CCDC91: variants seen among roughly 807,000 people sequenced by gnomAD.
CCDC91 encodes the protein coiled-coil domain containing 91, also known as coiled-coil domain-containing protein 91.
CCDC91 carries 48 observed loss-of-function variants against 63.2 expected under a neutral mutation model. That is an observed-to-expected ratio of 0.76 (90% CI 0.60 to 0.97). The LOEUF (loss-of-function observed/expected upper bound fraction) is 0.97, where lower values mean the gene tolerates loss of function less well. CCDC91 is among the 50% of genes least tolerant of loss of function. The probability of loss-of-function intolerance (pLI) is 0.00; values close to 1 mark genes in which losing one functional copy is unlikely to be tolerated. For synonymous variants in CCDC91, 167 were observed against 165.8 expected, an observed-to-expected ratio of 1.01 and a Z score of -0.06; for missense variants, 500 against 494.6, an observed-to-expected ratio of 1.01 and a Z score of -0.10.
Position 28,453,862 on chromosome 12 carries a change from A to T in CCDC91, c.1101+1208A>T, listed in dbSNP as rs983784826. On this transcript the variant is annotated intron_variant, in intron 11 of 12. Transcript: ENST00000536442. ...ACCCCGAACATTCCTGTAACCTCAC[A>T]TAGATGTGGGCCATTCATCACTTGA... Among the ~76,000 whole-genome samples the T allele has an allele frequency of 3.3e-5, 5 of 152,236 alleles. No homozygotes were observed. The East Asian group carries it at 9.6e-4, about 29-fold the overall frequency.
At chr12:28,528,280 A>T (rs1349917242) in intron 12 of CCDC91, among the ~76,000 whole-genome samples, 3 of 152,120 alleles carry the variant, frequency 2.0e-5, no homozygotes, top group Non-Finnish European at 2.9e-5. Context: ...GGGGGACCCT[A>T]GAGCAAGCCC....
At chr12:28,410,195 T>A (rs1439872101) in intron 8 of CCDC91, among the ~76,000 whole-genome samples, 1 of 152,228 alleles carries the variant, frequency 6.6e-6, no homozygotes, top group Non-Finnish European at 1.5e-5. Context: ...TGAGTAGTTT[T>A]GACACACTTA....
At chr12:28,471,485 A>G in intron 11 of CCDC91, among the ~76,000 whole-genome samples, 1 of 152,144 alleles carries the variant, frequency 6.6e-6, no homozygotes, top group East Asian at 1.9e-4. Flanking sequence ...GGGAGATTCA[A>G]TTCAAGGAAT....
At chr12:28,353,478 A>C (rs1162624988) in intron 6 of CCDC91, among the ~76,000 whole-genome samples, 2 of 152,130 alleles carry the variant, frequency 1.3e-5, no homozygotes, top group African/African-American at 4.8e-5. Context: ...CACTAAGGTT[A>C]ATTATTTCTA....
At chr12:28,266,755 T>C (rs551851358) in intron 3 of CCDC91, among the ~76,000 whole-genome samples, 2 of 152,030 alleles carry the variant, frequency 1.3e-5, no homozygotes, top group East Asian at 3.9e-4. Flanking sequence ...AGTAAAATAG[T>C]TTGAAAATAG....
intron 1 of CCDC91, among the ~76,000 whole-genome samples, chr12:28,250,580 A>C (rs527356507): frequency 6.6e-6 from 1 of 152,086 alleles, no homozygotes; most frequent in Non-Finnish European, 1.5e-5. Context: ...AGCTGTTTCA[A>C]TGCTAGCAAC....
At chr12:28,421,557 T>TTA (rs1555209090) in intron 8 of CCDC91, among the ~76,000 whole-genome samples, 1 of 151,608 alleles carries the variant, frequency 6.6e-6, no homozygotes, top group East Asian at 1.9e-4. Flanking sequence ...TTTTTTTTTT[T>TTA]ATGTCTTTCT....
At chr12:28,503,128 C>A (rs1638602127) in intron 12 of CCDC91, among the ~76,000 whole-genome samples, 3 of 152,044 alleles carry the variant, frequency 2.0e-5, no homozygotes, top group Admixed American at 2.0e-4. Context: ...AAAGAAACTA[C>A]CATCAGAATG....
chr12:28,533,390 A>G (rs1426382909), intron 12 of CCDC91, among the ~76,000 whole-genome samples: 1 of 152,082 alleles, frequency 6.6e-6, no homozygotes, highest in Non-Finnish European at 1.5e-5. Context: ...AAATTTGTTC[A>G]TTTTATTTTC....
At chr12:28,346,921 C>A (rs1271466691) in intron 6 of CCDC91, among the ~76,000 whole-genome samples, 1 of 152,146 alleles carries the variant, frequency 6.6e-6, no homozygotes, top group Non-Finnish European at 1.5e-5. Context: ...TTTCTGGTGA[C>A]CAGCCCTACC....
chr12:28,202,282 CT>C (rs1942514271), intron 1 of CCDC91, among the ~76,000 whole-genome samples: 1 of 152,158 alleles, frequency 6.6e-6, no homozygotes, highest in South Asian at 2.1e-4. Context: ...GGACAATTAA[CT>C]GCCTTTTTTC....
chr12:28,523,590 G>A (rs886930666), intron 12 of CCDC91, among the ~76,000 whole-genome samples: 2 of 152,058 alleles, frequency 1.3e-5, no homozygotes, highest in Non-Finnish European at 2.9e-5. Flanking sequence ...GGTTAATATT[G>A]TTATGTGTGA....
At chr12:28,381,368 T>G in intron 7 of CCDC91, among the ~76,000 whole-genome samples, 1 of 152,004 alleles carries the variant, frequency 6.6e-6, no homozygotes, top group East Asian at 1.9e-4. Context: ...TATAATAATT[T>G]GCCTTATCAA....
At chr12:28,368,257 A>G (rs1944400125) in intron 7 of CCDC91, among the ~76,000 whole-genome samples, 4 of 152,214 alleles carry the variant, frequency 2.6e-5, no homozygotes, top group South Asian at 4.1e-4. Flanking sequence ...ACAAGTGCTG[A>G]AAAAAGAACT....
intron 8 of CCDC91, among the ~76,000 whole-genome samples, chr12:28,409,555 T>A (rs1336147315): frequency 1.3e-5 from 2 of 152,120 alleles, no homozygotes; most frequent in Non-Finnish European, 2.9e-5. Flanking sequence ...ACTGATTTCT[T>A]CTGAAACCTT....
intron 8 of CCDC91, among the ~76,000 whole-genome samples, chr12:28,425,475 C>A (rs1937541943): frequency 6.6e-6 from 1 of 152,086 alleles, no homozygotes; most frequent in Non-Finnish European, 1.5e-5. Context: ...AGTGAGTTGA[C>A]CCCATTTTTC....
intron 1 of CCDC91, among the ~76,000 whole-genome samples, chr12:28,228,477 C>T (rs545594183): frequency 6.6e-6 from 1 of 152,222 alleles, no homozygotes; most frequent in East Asian, 1.9e-4. Flanking sequence ...ACATTTGTTG[C>T]ATAGATTACC....
Position 28,488,891 on chromosome 12 carries a change from A to G in CCDC91, c.1215+4726A>G, listed in dbSNP as rs145996126. Among the ~76,000 whole-genome samples, 22 of 152,042 alleles carry G rather than the reference A, an allele frequency of 1.4e-4. No homozygotes were observed. In the East Asian group the frequency reaches 4.1e-3, roughly 28 times the overall value. ...ACTCTCTTCAATCACTGTAAATTCT[A>G]TAGCAGAAGTTGCAAACTGCAACTC... On this transcript the variant is annotated intron_variant, in intron 12 of 12. Coordinates refer to ENST00000536442, the MANE Select transcript of CCDC91 (RefSeq NM_018318.5).
At chr12:28,380,889 G>T (rs1231823898) in intron 7 of CCDC91, among the ~76,000 whole-genome samples, 2 of 152,020 alleles carry the variant, frequency 1.3e-5, no homozygotes, top group Non-Finnish European at 1.5e-5. Context: ...TATACTGCAG[G>T]AAAAGTACTT....
Sources: gnomAD v4.1 joint callset for allele counts (sites outside exome capture counted in the v4.1 genomes callset) on GRCh38, gnomAD v4.1.1 for gene constraint, MANE v1.5 for transcripts, NCBI Gene and HGNC (gene_info 2026-07-23, HGNC 2026-07-21) for gene names.